The following ATL1 variants were observed in gnomAD, a reference collection of about 807,000 sequenced individuals.
The protein encoded by ATL1 is atlastin-1.
In ATL1, 31 loss-of-function variants were observed where a neutral mutation model predicts 75.5. The ratio of observed to expected loss-of-function variants is 0.41; its 90% CI spans 0.31 to 0.55. The LOEUF (loss-of-function observed/expected upper bound fraction) is 0.55. Ranked by LOEUF, ATL1 falls within the 20% of genes least tolerant of loss-of-function variation. The pLI, the probability that ATL1 is intolerant of heterozygous loss-of-function variation, is 0.27. For synonymous variants in ATL1, 226 were observed against 233.3 expected (o/e 0.97, Z 0.28); for missense variants, 405 against 662.6 (o/e 0.61, Z 4.27).
intron 4 of ATL1, 172 bp downstream of exon 4, chr14:50,591,811 G>GT (rs2039161357): frequency 1.7e-6 from 1 of 575,302 alleles, no homozygotes; most frequent in Non-Finnish European, 3.1e-6. Flanking sequence ...AATTGTTTTT[G>GT]TTACTGTAGT....
At chr14:50,547,078 T>A (rs1417499718) in intron 1 of ATL1, among the ~76,000 whole-genome samples, 1 of 152,082 alleles carries the variant, frequency 6.6e-6, no homozygotes, top group Non-Finnish European at 1.5e-5. Context: ...AGGGGGGAAC[T>A]TTAAGGTTTT....
At chr14:50,611,997 C>T (rs1428465852) in intron 6 of ATL1, among the ~76,000 whole-genome samples, 1 of 152,146 alleles carries the variant, frequency 6.6e-6, no homozygotes, top group Non-Finnish European at 1.5e-5. Flanking sequence ...CAGCCAAGAA[C>T]TAGAGACACT....
intron 1 of ATL1, 178 bp downstream of exon 1, chr14:50,560,477 G>A (rs1824060970): frequency 1.7e-5 from 14 of 817,200 alleles, no homozygotes; most frequent in Middle Eastern, 2.8e-4. Flanking sequence ...AGCGGTACCC[G>A]CGTCACCGAA....
At chr14:50,533,780 A>G (rs1169906653) in intron 1 of ATL1, among the ~76,000 whole-genome samples, 1 of 152,040 alleles carries the variant, frequency 6.6e-6, no homozygotes, top group East Asian at 1.9e-4. Context: ...ATAATTGTAT[A>G]ATGTATAATA....
intron 1 of ATL1, among the ~76,000 whole-genome samples, chr14:50,583,249 G>T (rs1309053021): frequency 6.6e-6 from 1 of 151,936 alleles, no homozygotes; most frequent in Non-Finnish European, 1.5e-5. Context: ...AAAAAGAAAA[G>T]ACATACATAA....
intron 11 of ATL1, among the ~76,000 whole-genome samples, chr14:50,625,288 T>A (rs975194550): frequency 3.9e-5 from 6 of 152,124 alleles, no homozygotes; most frequent in African/African-American, 1.2e-4. Flanking sequence ...GAAGAAAAGT[T>A]GGAAGCTAGC....
intron 1 of ATL1, among the ~76,000 whole-genome samples, chr14:50,576,280 C>A (rs1410105170): frequency 6.6e-6 from 1 of 152,156 alleles, no homozygotes; most frequent in African/African-American, 2.4e-5. Flanking sequence ...GTATCAAATG[C>A]ATTTTCAACA....
intron 12 of ATL1, among the ~76,000 whole-genome samples, chr14:50,628,736 G>C (rs2039548232): frequency 6.6e-6 from 1 of 151,820 alleles, no homozygotes; most frequent in African/African-American, 2.4e-5. Context: ...TTTTGGGTAG[G>C]GGGGCAGTCT....
At chr14:50,593,719 C>A in intron 4 of ATL1, 127 bp from the exon 5 acceptor site, 1 of 630,746 alleles carries the variant, frequency 1.6e-6, no homozygotes, top group Non-Finnish European at 2.9e-6. Context: ...TTACAAATAT[C>A]ATGTAAGCAT....
intron 11 of ATL1, among the ~76,000 whole-genome samples, chr14:50,627,279 T>C (rs961121782): frequency 1.3e-5 from 2 of 152,252 alleles, no homozygotes; most frequent in Non-Finnish European, 2.9e-5. Context: ...TTTTTAGATA[T>C]GCTACTGCAC....
intron 1 of ATL1, among the ~76,000 whole-genome samples, chr14:50,536,180 C>T (rs1566703108): frequency 6.6e-6 from 1 of 152,210 alleles, no homozygotes; most frequent in African/African-American, 2.4e-5. Flanking sequence ...CGCCATGGCC[C>T]ATGCCTGTAA....
At chr14:50,630,316 A>G (rs979591165) in intron 13 of ATL1, among the ~76,000 whole-genome samples, 2 of 152,258 alleles carry the variant, frequency 1.3e-5, no homozygotes, top group Admixed American at 6.5e-5. Flanking sequence ...ACTCTGCTGT[A>G]CTGCAGAGTA....
At position 50,548,871 on chromosome 14, in the gene ATL1, C is replaced by T. The variant is rs112372753; in HGVS notation, c.-139-11256C>T. Among the ~76,000 whole-genome samples the T allele has an allele frequency of 3.3e-5, 5 of 152,214 alleles. 1 individual carries two copies. The highest frequency in any genetic ancestry group is 2.1e-4 in the South Asian group (1 of 4,820). On this transcript the variant is annotated intron_variant, in intron 1 of 13. Transcript: ENST00000441560. ...ACAGTCCTAGAGCAACAGCTATTAGCCATGTATAGGGCATTGCAACAAGCA... is the reference window on the plus strand; with the variant it reads ...ACAGTCCTAGAGCAACAGCTATTAGTCATGTATAGGGCATTGCAACAAGCA...
chr14:50,625,776 G>A (rs899543540), intron 11 of ATL1, among the ~76,000 whole-genome samples: 3 of 152,096 alleles, frequency 2.0e-5, no homozygotes, highest in Non-Finnish European at 4.4e-5. Context: ...CGGGCGCAGA[G>A]GCGGGCACCT....
intron 8 of ATL1, among the ~76,000 whole-genome samples, chr14:50,620,020 G>A (rs1327286665): frequency 6.6e-6 from 1 of 152,210 alleles, no homozygotes; most frequent in Non-Finnish European, 1.5e-5. Flanking sequence ...AGCACCTTGG[G>A]AGGCCGAGGC....
At chr14:50,601,709 G>A (rs1187620929) in intron 6 of ATL1, among the ~76,000 whole-genome samples, 1 of 152,150 alleles carries the variant, frequency 6.6e-6, no homozygotes. Flanking sequence ...TGCTCACTAT[G>A]AGCATTTGAA....
intron 1 of ATL1, chr14:50,533,430 G>C (rs976669167): frequency 2.0e-5 from 3 of 151,968 alleles, no homozygotes; most frequent in African/African-American, 7.3e-5. Flanking sequence ...ATAGTAAGGG[G>C]GGTTATCGAA....
intron 1 of ATL1, among the ~76,000 whole-genome samples, chr14:50,586,505 C>A (rs926833318): frequency 2.0e-5 from 3 of 152,136 alleles, no homozygotes; most frequent in Non-Finnish European, 4.4e-5. Context: ...TAATCTAAGG[C>A]CTCCCAAAGG....
chr14:50,575,026 C>CTT (rs1177148626), intron 1 of ATL1, among the ~76,000 whole-genome samples: 1 of 143,792 alleles, frequency 7.0e-6, no homozygotes, highest in African/African-American at 2.6e-5. Context: ...TTTTTCCTCT[C>CTT]TCTCTGGTCC....
Sources: gnomAD v4.1 joint callset for allele counts (sites outside exome capture counted in the v4.1 genomes callset) on GRCh38, gnomAD v4.1.1 for gene constraint, MANE v1.5 for transcripts, NCBI Gene and HGNC (gene_info 2026-07-23, HGNC 2026-07-21) for gene names.